Variants in DCST2 observed in about 807,000 individuals in gnomAD.
DCST2 encodes the protein DC-STAMP domain-containing protein 2.
Under a neutral mutation model 81.8 loss-of-function variants are expected in DCST2, and 64 were observed. That is an observed-to-expected ratio of 0.78 (90% CI 0.64 to 0.96). The LOEUF (loss-of-function observed/expected upper bound fraction) is 0.96. DCST2 is among the 40% of genes least tolerant of loss of function. The pLI is 0.00. For missense variants in DCST2, 945 were observed against 1,001.4 expected (o/e 0.94, Z 0.76); for synonymous variants, 354 against 402.6 (o/e 0.88, Z 1.44).
chr1:155,023,748 C>T, intron 12 of DCST2, 84 bp downstream of exon 12: 1 of 1,598,816 alleles, frequency 6.3e-7, no homozygotes, highest in South Asian at 1.1e-5. Context: ...AAGAGAAGTC[C>T]ATCAAGGAAG....
chr1:155,019,692 C>G (rs1311588955), intron 14 of DCST2, among the ~76,000 whole-genome samples: 3 of 152,248 alleles, frequency 2.0e-5, no homozygotes, highest in Non-Finnish European at 2.9e-5. Flanking sequence ...AATTCTCACT[C>G]CATCTTGTCC....
At chr1:155,032,997 G>T in intron 2 of DCST2, 97 bp downstream of exon 2, 1 of 1,351,428 alleles carries the variant, frequency 7.4e-7, no homozygotes, top group Non-Finnish European at 1.0e-6. Context: ...TCCGCGATTA[G>T]CACCAGCAGA....
At chr1:155,031,271 G>GC (rs1314780866) in intron 4 of DCST2, 37 bp from the exon 5 acceptor site, 1 of 1,540,370 alleles carries the variant, frequency 6.5e-7, no homozygotes, top group Non-Finnish European at 8.7e-7. Flanking sequence ...GGAAGGAGGG[G>GC]CACAGCCAGG....
At chr1:155,024,199 A>G (rs1469171266) in intron 11 of DCST2, among the ~76,000 whole-genome samples, 1 of 152,238 alleles carries the variant, frequency 6.6e-6, no homozygotes, top group African/African-American at 2.4e-5. Context: ...ACCTAATGCT[A>G]AATGATGAGT....
At chr1:155,031,820 C>T (rs780807077) in intron 3 of DCST2, 49 bp from the exon 4 acceptor site, 2 of 1,572,036 alleles carry the variant, frequency 1.3e-6, no homozygotes, top group South Asian at 2.3e-5. Flanking sequence ...CCTACAGCCT[C>T]TTCTCAGGGT....
At chr1:155,027,655 G>A (rs544627862) in intron 8 of DCST2, among the ~76,000 whole-genome samples, 48 of 147,926 alleles carry the variant, frequency 3.2e-4, no homozygotes, top group African/African-American at 1.2e-3. Flanking sequence ...CTGCCTCCTG[G>A]GTTCAAGTGA....
chr1:155,028,565 C>G (rs1033110842), intron 8 of DCST2, among the ~76,000 whole-genome samples: 2 of 143,736 alleles, frequency 1.4e-5, no homozygotes, highest in Non-Finnish European at 3.0e-5. Context: ...GCCTGGGTGA[C>G]AGAGTGAGAC....
intron 7 of DCST2, 144 bp downstream of exon 7, chr1:155,029,940 C>T: frequency 7.8e-7 from 1 of 1,283,226 alleles, no homozygotes; most frequent in Admixed American, 2.7e-5. Flanking sequence ...GTTCCTTAAG[C>T]TCTGGGTTGT....
In DCST2 at chr1:155,032,680, A is replaced by G. The variant is rs200134828; in HGVS notation, c.528T>C (p.Gly176=). 4.2e-5 allele frequency: 67 copies of G among 1,613,826 alleles called. No homozygotes were observed. The highest frequency in any genetic ancestry group is 1.0e-4 in the Admixed American group (6 of 59,996). The part of the protein sequence containing the change: ...VRKFFRSIMD[G]VKHIARALRN... ...TAATGTGCTTACCTATGTGTTTCAC[A>G]CCATCCATGATTGACCGAAAGAACT... Residue 176 remains glycine (G), a synonymous_variant, in exon 3 of 15, where the codon GGT becomes GGC. Coordinates refer to ENST00000368424, the MANE Select transcript of DCST2 (RefSeq NM_144622.3).
rs1369606286 is a variant in DCST2 at position 155,033,546 on chromosome 1, G to A, written c.156C>T (p.Pro52=). The part of the protein sequence containing the change: ...LLELLVEGHS[P]WGCLVGTLTL... ...TGAGGGTGCCCACCAGGCAACCCCA[G>A]GGGCTGTGGCCTTCCACCAGTAGCT... Residue 52 remains proline (P), a synonymous_variant, in exon 1 of 15, where the codon CCC becomes CCT. Transcript: ENST00000368424. 15 of 1,613,982 alleles carry A rather than the reference G, an allele frequency of 9.3e-6. No individual in the cohort carries two copies. The highest frequency in any genetic ancestry group is 1.2e-5 in the Non-Finnish European group (14 of 1,179,990).
intron 11 of DCST2, 79 bp downstream of exon 11, chr1:155,024,393 G>C: frequency 1.4e-6 from 2 of 1,471,762 alleles, no homozygotes; most frequent in South Asian, 3.0e-5. Context: ...CACTTAGATA[G>C]CACAGAAATC....
chr1:155,020,824 T>TA (rs901353605), intron 14 of DCST2, among the ~76,000 whole-genome samples: 17 of 151,950 alleles, frequency 1.1e-4, no homozygotes, highest in African/African-American at 3.4e-4. Context: ...TTTTTTTTTT[T>TA]AATCTTCTAA....
intron 8 of DCST2, among the ~76,000 whole-genome samples, chr1:155,028,271 T>C (rs1017244353): frequency 1.9e-4 from 29 of 152,268 alleles, no homozygotes; most frequent in African/African-American, 7.0e-4. Context: ...CCAGAGAGGT[T>C]GCTACCATTA....
rs866091086 is a variant in DCST2, at chr1:155,033,261, T to G, written c.272A>C (p.Gln91Pro). The change falls in exon 2 of 15, where the codon CAG becomes CCG. Residue 91 changes from glutamine to proline, a missense_variant. Gln to Pro is a moderately conservative substitution (Grantham distance 76). Transcript: ENST00000368424. ...AGCCACCAACAGTAGTGTCCGGCCC[T>G]GCCCTGGGGGCGACAGCTTTGTTAG... Reference protein sequence around the residue: ...LLLLPQAFSRQGRTLLLVAAF... With the variant: ...LLLLPQAFSRPGRTLLLVAAF... 5.0e-6 allele frequency: 8 copies of G among 1,608,746 alleles called. No homozygotes were observed. The Middle Eastern group carries it at 1.2e-3, about 234-fold the overall frequency.
Position 155,033,636 on chromosome 1 carries a change from A to G in DCST2, c.66T>C (p.Ala22=), listed in dbSNP as rs1333454243. Residue 22 remains alanine, a synonymous_variant, in exon 1 of 15, where the codon GCT becomes GCC. Coordinates refer to ENST00000368424, the MANE Select transcript of DCST2 (RefSeq NM_144622.3). ...TAAAACCTCCCACGCTGCGAACCACAGCTCTCGCCATGCTAGGCTCCTCTC... is the reference window on the plus strand; with the variant it reads ...TAAAACCTCCCACGCTGCGAACCACGGCTCTCGCCATGCTAGGCTCCTCTC... The part of the protein sequence containing the change: ...LGGEEPSMAR[A]VVRSVGGFTL... 6.2e-7 allele frequency: 1 copy of G among 1,614,188 alleles called. No individual in the cohort carries two copies. Among genetic ancestry groups the G allele is most frequent in the Admixed American group, 1.7e-5 (1 of 60,020 alleles).
intron 9 of DCST2, 60 bp from the exon 10 acceptor site, chr1:155,026,462 G>T: frequency 6.2e-7 from 1 of 1,612,460 alleles, no homozygotes; most frequent in Non-Finnish European, 8.5e-7. Flanking sequence ...GCCCACCCCT[G>T]GCGCCCCCCA....
intron 6 of DCST2, 26 bp downstream of exon 6, chr1:155,030,406 C>A: frequency 6.2e-7 from 1 of 1,609,644 alleles, no homozygotes; most frequent in Non-Finnish European, 8.5e-7. Context: ...GCCCTGCATC[C>A]CCCACGCTGC....
At chr1:155,028,694 G>A (rs1288961559) in intron 8 of DCST2, among the ~76,000 whole-genome samples, 1 of 149,024 alleles carries the variant, frequency 6.7e-6, no homozygotes, top group Non-Finnish European at 1.5e-5. Flanking sequence ...CCAACACAGT[G>A]AAACCCCATC....
In DCST2 at chr1:155,018,765, TGAG is replaced by T; in HGVS notation, c.2106-8_2106-6del. Reference sequence around the variant, plus strand: ...CCCTTCTCCTCATCCAGGTCACTAGTGAGGAGAGGAAGGGGGTGGCCGGATCAC... The same window carrying T: ...CCCTTCTCCTCATCCAGGTCACTAGTGAGAGGAAGGGGGTGGCCGGATCAC... On this transcript the variant is annotated splice_polypyrimidine_tract_variant and splice_region_variant and intron_variant, in intron 14 of 14. Transcript: ENST00000368424. 2 of 1,612,004 alleles carry T rather than the reference TGAG, an allele frequency of 1.2e-6. No individual in the cohort carries two copies. The highest frequency in any genetic ancestry group is 1.3e-5 in the African/African-American group (1 of 74,912).
Sources: allele counts gnomAD v4.1 joint callset (sites outside exome capture counted in the v4.1 genomes callset), GRCh38; gene constraint gnomAD v4.1.1; transcripts MANE v1.5; gene names NCBI Gene and HGNC (gene_info 2026-07-23, HGNC 2026-07-21).